Variants in ANTXR1 observed in about 807,000 individuals in gnomAD.
ANTXR1 encodes the protein anthrax toxin receptor 1.
Under a neutral mutation model 78.1 loss-of-function variants are expected in ANTXR1, and 19 were observed. The ratio of observed to expected loss-of-function variants is 0.24; its 90% CI spans 0.17 to 0.36. ANTXR1 has a LOEUF of 0.36. ANTXR1 is among the 10% of genes least tolerant of loss of function. The pLI, the probability that ANTXR1 is intolerant of heterozygous loss-of-function variation, is 1.00. For synonymous variants in ANTXR1, 273 were observed against 260.5 expected, an observed-to-expected ratio of 1.05 and a Z score of -0.46; for missense variants, 518 against 718.6, an observed-to-expected ratio of 0.72 and a Z score of 3.19.
intron 17 of ANTXR1, among the ~76,000 whole-genome samples, chr2:69,204,501 C>G (rs1674849375): frequency 6.6e-6 from 1 of 152,196 alleles, no homozygotes; most frequent in East Asian, 1.9e-4. Context: ...GGTCCATTAT[C>G]TTATCTGTTC....
chr2:69,082,109 C>T (rs1234847616), intron 8 of ANTXR1, among the ~76,000 whole-genome samples: 1 of 152,208 alleles, frequency 6.6e-6, no homozygotes, highest in East Asian at 1.9e-4. Flanking sequence ...AAAACGTGAA[C>T]TGGCTTGACA....
intron 12 of ANTXR1, among the ~76,000 whole-genome samples, chr2:69,151,673 A>G (rs1301853184): frequency 6.6e-6 from 1 of 152,150 alleles, no homozygotes; most frequent in East Asian, 1.9e-4. Flanking sequence ...CCTACAAGGC[A>G]TCCCATCAGC....
intron 17 of ANTXR1, among the ~76,000 whole-genome samples, chr2:69,241,305 C>T (rs560468108): frequency 2.9e-4 from 44 of 152,156 alleles, no homozygotes; most frequent in African/African-American, 7.0e-4. Context: ...AAGCAAAAAA[C>T]GATGTTGTGT....
chr2:69,032,511 A>T (rs1671558389), intron 1 of ANTXR1, among the ~76,000 whole-genome samples: 1 of 152,056 alleles, frequency 6.6e-6, no homozygotes. Flanking sequence ...TCACCCGACG[A>T]TGTTGACCCA....
At chr2:69,040,391 C>A (rs1669579310) in intron 2 of ANTXR1, among the ~76,000 whole-genome samples, 2 of 152,146 alleles carry the variant, frequency 1.3e-5, no homozygotes, top group African/African-American at 4.8e-5. Flanking sequence ...ATTCTTATTA[C>A]CTTTAACATT....
chr2:69,050,479 CTCTG>C (rs1232107463), intron 3 of ANTXR1, among the ~76,000 whole-genome samples: 4 of 143,880 alleles, frequency 2.8e-5, no homozygotes, highest in Non-Finnish European at 5.9e-5. Flanking sequence ...TTCATACAAT[CTCTG>C]TCAGTTTGGG....
At chr2:69,081,594 A>C (rs75513572) in intron 8 of ANTXR1, among the ~76,000 whole-genome samples, 4,677 of 152,276 alleles carry the variant, frequency 0.031, 228 homozygotes, top group African/African-American at 0.11. Flanking sequence ...ATATAATATT[A>C]TTTCATTTAA....
intron 17 of ANTXR1, among the ~76,000 whole-genome samples, chr2:69,208,521 C>T (rs949374128): frequency 2.6e-5 from 4 of 152,164 alleles, no homozygotes; most frequent in Non-Finnish European, 5.9e-5. Flanking sequence ...GCTGAAATAA[C>T]ATTCTACATA....
intron 17 of ANTXR1, among the ~76,000 whole-genome samples, chr2:69,237,984 T>A (rs1675811775): frequency 6.6e-6 from 1 of 152,144 alleles, no homozygotes; most frequent in Admixed American, 6.5e-5. Context: ...TGAGCAACAA[T>A]GAGGGCAGGG....
chr2:69,119,528 G>A (rs1032393498), intron 10 of ANTXR1, among the ~76,000 whole-genome samples: 2 of 152,228 alleles, frequency 1.3e-5, no homozygotes, highest in Non-Finnish European at 1.5e-5. Context: ...TCCTGGAATG[G>A]AGAATCTCTT....
Position 69,064,871 on chromosome 2 carries a change from C to T in ANTXR1, c.297-5776C>T, listed in dbSNP as rs910366687. Among the ~76,000 whole-genome samples, 12 of 152,162 alleles carry T rather than the reference C, an allele frequency of 7.9e-5. No individual in the cohort carries two copies. In the South Asian group the frequency reaches 1.4e-3, roughly 18 times the overall value. On this transcript the variant is annotated intron_variant, in intron 3 of 17. Coordinates refer to ENST00000303714, the MANE Select transcript of ANTXR1 (RefSeq NM_032208.3). ...CCAGCATATCAACATTTGTGGGATG[C>T]AGCTAAAGTCACGTGCCTAGGGTAA...
chr2:69,046,745 C>T (rs1248828886), intron 3 of ANTXR1, among the ~76,000 whole-genome samples: 3 of 152,162 alleles, frequency 2.0e-5, no homozygotes, highest in African/African-American at 7.2e-5. Context: ...GCTAGTACTG[C>T]TTCTGAAATA....
At chr2:69,230,694 C>T (rs1227709339) in intron 17 of ANTXR1, among the ~76,000 whole-genome samples, 3 of 152,200 alleles carry the variant, frequency 2.0e-5, no homozygotes, top group African/African-American at 4.8e-5. Context: ...GCTCAGCTTA[C>T]ACAAGTAAGC....
At chr2:69,064,497 A>G (rs1220525920) in intron 3 of ANTXR1, among the ~76,000 whole-genome samples, 1 of 152,220 alleles carries the variant, frequency 6.6e-6, no homozygotes, top group African/African-American at 2.4e-5. Context: ...ACATGGCCAC[A>G]TGCACAGCCA....
intron 17 of ANTXR1, among the ~76,000 whole-genome samples, chr2:69,244,715 A>T (rs1305377811): frequency 6.6e-6 from 1 of 152,204 alleles, no homozygotes; most frequent in Non-Finnish European, 1.5e-5. Context: ...TAATCAAAAT[A>T]AATTACTTTT....
At chr2:69,155,503 C>T (rs2104434231) in intron 13 of ANTXR1, among the ~76,000 whole-genome samples, 1 of 152,304 alleles carries the variant, frequency 6.6e-6, no homozygotes, top group South Asian at 2.1e-4. Context: ...GCCATGCCCA[C>T]TCCAGCTACT....
chr2:69,189,564 G>A (rs1354262684), intron 16 of ANTXR1, among the ~76,000 whole-genome samples: 1 of 152,210 alleles, frequency 6.6e-6, no homozygotes, highest in Non-Finnish European at 1.5e-5. Context: ...GAGATGAAAG[G>A]CCAATCAGGA....
chr2:69,206,641 G>A, intron 17 of ANTXR1, among the ~76,000 whole-genome samples: 1 of 152,208 alleles, frequency 6.6e-6, no homozygotes, highest in East Asian at 1.9e-4. Context: ...CACATCTGTA[G>A]GCCTAGGGGA....
At chr2:69,071,291 G>A (rs1378267112) in intron 4 of ANTXR1, among the ~76,000 whole-genome samples, 1 of 152,152 alleles carries the variant, frequency 6.6e-6, no homozygotes, top group Non-Finnish European at 1.5e-5. Context: ...AGATAGTATA[G>A]CCTATTACAC....
Sources: allele counts gnomAD v4.1 joint callset (sites outside exome capture counted in the v4.1 genomes callset), GRCh38; gene constraint gnomAD v4.1.1; transcripts MANE v1.5; gene names NCBI Gene and HGNC (gene_info 2026-07-23, HGNC 2026-07-21).